Variants in CLIC5 observed in about 807,000 individuals in gnomAD.
CLIC5 encodes the protein CLIC family member 5.
Under a neutral mutation model 24.7 loss-of-function variants are expected in CLIC5, and 20 were observed. That is an observed-to-expected ratio of 0.81 (90% CI 0.57 to 1.18). CLIC5 has a LOEUF of 1.18. Among genes scored for constraint, CLIC5 ranks in the 50% most tolerant of loss-of-function variants. The pLI is 0.00. For synonymous variants in CLIC5, 159 were observed against 135.6 expected (o/e 1.17, Z -1.20); for missense variants, 341 against 326.1 (o/e 1.05, Z -0.35).
At chr6:45,888,068 A>T (rs1042310238) in intron 6 of CLIC5, among the ~76,000 whole-genome samples, 1 of 152,188 alleles carries the variant, frequency 6.6e-6, no homozygotes, top group African/African-American at 2.4e-5. Context: ...AAGTAATGGG[A>T]GAATGTTGGG....
intron 1 of CLIC5, among the ~76,000 whole-genome samples, chr6:45,971,634 C>T (rs1765204679): frequency 6.6e-6 from 1 of 152,150 alleles, no homozygotes; most frequent in African/African-American, 2.4e-5. Flanking sequence ...GATGGAGCCT[C>T]AGGAATGGCA....
the CLIC5 span, among the ~76,000 whole-genome samples, chr6:46,116,523 G>A: frequency 2.6e-5 from 4 of 152,060 alleles, no homozygotes; most frequent in Non-Finnish European, 2.9e-5. Context: ...GGTTACTGTC[G>A]AATGAATGAG....
chr6:46,054,011 C>T (rs1768177362), intron 1 of CLIC5, among the ~76,000 whole-genome samples: 1 of 152,098 alleles, frequency 6.6e-6, no homozygotes, highest in South Asian at 2.1e-4. Context: ...CTATTCAAAA[C>T]CTTTGACTGA....
chr6:46,100,413 T>A, the CLIC5 span, among the ~76,000 whole-genome samples: 1 of 152,322 alleles, frequency 6.6e-6, no homozygotes, highest in South Asian at 2.1e-4. Context: ...AGCAGCTCCC[T>A]GACTTTGCCC....
chr6:45,933,961 T>C (rs1049444666), intron 4 of CLIC5, among the ~76,000 whole-genome samples: 1 of 152,156 alleles, frequency 6.6e-6, no homozygotes, highest in African/African-American at 2.4e-5. Flanking sequence ...GCCTGGAGTC[T>C]ACAGCAGCCT....
At chr6:46,123,298 A>T in the CLIC5 span, among the ~76,000 whole-genome samples, 1 of 152,220 alleles carries the variant, frequency 6.6e-6, no homozygotes, top group Non-Finnish European at 1.5e-5. Flanking sequence ...CTATAAACGT[A>T]ATCCAGCATA....
chr6:46,070,718 A>G (rs999456227), intron 1 of CLIC5, among the ~76,000 whole-genome samples: 12 of 152,294 alleles, frequency 7.9e-5, no homozygotes, highest in South Asian at 2.1e-4. Context: ...ACTAAAAAAA[A>G]AGAACTATTT....
intron 1 of CLIC5, among the ~76,000 whole-genome samples, chr6:45,963,046 TC>T (rs1474571291): frequency 6.6e-6 from 1 of 152,214 alleles, no homozygotes; most frequent in African/African-American, 2.4e-5. Flanking sequence ...CTACATGGCT[TC>T]TTTTCTATTA....
intron 1 of CLIC5, among the ~76,000 whole-genome samples, chr6:46,045,763 T>G (rs1007864277): frequency 1.3e-5 from 2 of 152,188 alleles, no homozygotes; most frequent in African/African-American, 4.8e-5. Context: ...TAAATATTTT[T>G]TATTTTTTAT....
rs935090999 is a variant in CLIC5, at chr6:46,025,895, G to A, written c.540+53808C>T. Among the ~76,000 whole-genome samples, 12 of 152,138 alleles carry A rather than the reference G, an allele frequency of 7.9e-5. 1 individual carries two copies. The highest frequency in any genetic ancestry group is 6.2e-4 in the South Asian group (3 of 4,802). On this transcript the variant is annotated intron_variant, in intron 1 of 5. Transcript: ENST00000185206. ...CCCTTTGTTCTCTCTCTCTCCTCCC[G>A]CCAAGTAAGACATGCCTTGCTTTCC...
intron 1 of CLIC5, among the ~76,000 whole-genome samples, chr6:46,063,628 C>G (rs1008515667): frequency 2.0e-5 from 3 of 152,124 alleles, no homozygotes; most frequent in African/African-American, 4.8e-5. Flanking sequence ...TCTGCATGTG[C>G]ATGGGAGAAA....
chr6:46,009,462 T>C (rs1232305628), intron 1 of CLIC5, among the ~76,000 whole-genome samples: 2 of 152,038 alleles, frequency 1.3e-5, no homozygotes, highest in Admixed American at 1.3e-4. Context: ...ACACCCTGGG[T>C]AGAGAGAGTC....
intron 1 of CLIC5, among the ~76,000 whole-genome samples, chr6:46,034,339 A>G (rs1184950351): frequency 6.6e-6 from 1 of 152,222 alleles, no homozygotes; most frequent in Non-Finnish European, 1.5e-5. Flanking sequence ...AAGCCTTTAT[A>G]ATCTTGGAGA....
At chr6:45,881,672 G>A (rs1762264201) in intron 6 of CLIC5, among the ~76,000 whole-genome samples, 1 of 152,120 alleles carries the variant, frequency 6.6e-6, no homozygotes. Flanking sequence ...TAATTTTAGG[G>A]AAATTTGATC....
At chr6:45,911,233 C>T (rs372647527) in intron 5 of CLIC5, among the ~76,000 whole-genome samples, 2 of 152,174 alleles carry the variant, frequency 1.3e-5, no homozygotes, top group Admixed American at 6.5e-5. Flanking sequence ...TTCTTTACTA[C>T]ATAGTACTTC....
At chr6:45,881,424 T>C (rs185780389) in intron 6 of CLIC5, among the ~76,000 whole-genome samples, 2 of 152,084 alleles carry the variant, frequency 1.3e-5, no homozygotes, top group Non-Finnish European at 2.9e-5. Flanking sequence ...AAAATTGCAG[T>C]GCATCTCAGC....
At chr6:45,889,063 C>A (rs1352862428) in intron 6 of CLIC5, among the ~76,000 whole-genome samples, 1 of 152,088 alleles carries the variant, frequency 6.6e-6, no homozygotes, top group African/African-American at 2.4e-5. Context: ...TCCCTATATA[C>A]CTATAATGAA....
At chr6:46,075,934 C>A (rs1351157457) in intron 1 of CLIC5, among the ~76,000 whole-genome samples, 5 of 152,202 alleles carry the variant, frequency 3.3e-5, no homozygotes, top group African/African-American at 1.2e-4. Context: ...AATTCTTCAG[C>A]AAAATGCTTG....
rs550614383 is a variant in CLIC5 at position 46,058,593 on chromosome 6, T to G, written c.540+21110A>C. Reference sequence around the variant, plus strand: ...TGTCTGGAATATGTGCAAAGTGCCATGGGCACAATCTGGAGGGACCTGCTG... The same window carrying G: ...TGTCTGGAATATGTGCAAAGTGCCAGGGGCACAATCTGGAGGGACCTGCTG... On this transcript the variant is annotated intron_variant, in intron 1 of 5. Coordinates refer to the CLIC5 transcript ENST00000185206. 5.1e-4 allele frequency among the ~76,000 whole-genome samples: 77 copies of G among 152,338 alleles called. 1 individual carries two copies. Among genetic ancestry groups the G allele is most frequent in the African/African-American group, 1.8e-3 (76 of 41,584 alleles).
Sources: gnomAD v4.1 joint callset for allele counts (sites outside exome capture counted in the v4.1 genomes callset) on GRCh38, gnomAD v4.1.1 for gene constraint, MANE v1.5 for transcripts, NCBI Gene and HGNC (gene_info 2026-07-23, HGNC 2026-07-21) for gene names.